Variants in ADGRL3 observed in about 807,000 individuals in gnomAD.
The protein encoded by ADGRL3 is adhesion G protein-coupled receptor L3.
A neutral mutation model predicts 153.5 loss-of-function variants in ADGRL3; 62 were observed. That is an observed-to-expected ratio of 0.40 (90% CI 0.33 to 0.50). The LOEUF (loss-of-function observed/expected upper bound fraction) is 0.50. Ranked by LOEUF, ADGRL3 falls within the 20% of genes least tolerant of loss-of-function variation. ADGRL3 has a pLI of 0.47. For missense variants in ADGRL3, 1,641 were observed against 1,859.4 expected, an observed-to-expected ratio of 0.88 and a Z score of 2.16; for synonymous variants, 710 against 672.5, an observed-to-expected ratio of 1.06 and a Z score of -0.86.
chr4:61,747,533 G>A (rs1011668669), intron 8 of ADGRL3, among the ~76,000 whole-genome samples: 9 of 145,404 alleles, frequency 6.2e-5, no homozygotes, highest in Middle Eastern at 3.5e-3. Flanking sequence ...TTCATCCCTG[G>A]GATGCAAGGC....
At position 61,431,215 on chromosome 4, in the gene ADGRL3, G is replaced by A. The variant is rs575591517; in HGVS notation, c.-174+48026G>A. Among the ~76,000 whole-genome samples, 51 of 152,208 alleles carry A rather than the reference G, an allele frequency of 3.4e-4. No homozygotes were observed. In the East Asian group the frequency reaches 4.4e-3, roughly 13 times the overall value. ...AAACAATCTATCCTTGTGAGGAATC[G>A]GAAATAAATTTCACTGACCACGAAA... On this transcript the variant is annotated intron_variant, in intron 2 of 26. Transcript: ENST00000683033.
chr4:61,987,139 ATTTTATTTT>A (rs1309340783), intron 19 of ADGRL3, among the ~76,000 whole-genome samples: 3 of 69,710 alleles, frequency 4.3e-5, no homozygotes, highest in Non-Finnish European at 7.9e-5. Context: ...ATTTTATTTT[ATTTTATTTT>A]ATTTATTTTA....
intron 21 of ADGRL3, among the ~76,000 whole-genome samples, chr4:62,005,959 TATACACATAC>T (rs1204684877): frequency 1.2e-4 from 13 of 105,860 alleles, no homozygotes; most frequent in African/African-American, 4.5e-4. Flanking sequence ...CATACATATA[TATACACATAC>T]ACACACACAC....
At chr4:61,595,799 G>C (rs1279229776) in intron 5 of ADGRL3, among the ~76,000 whole-genome samples, 1 of 152,126 alleles carries the variant, frequency 6.6e-6, no homozygotes, top group East Asian at 1.9e-4. Flanking sequence ...TTGGCCCTCA[G>C]TGGTGAGGCT....
intron 9 of ADGRL3, among the ~76,000 whole-genome samples, chr4:61,863,241 T>TC (rs1230864496): frequency 2.9e-5 from 4 of 137,626 alleles, no homozygotes; most frequent in African/African-American, 1.1e-4. Flanking sequence ...CTTTTTTTTT[T>TC]TTTTTTTTTT....
chr4:61,536,789 G>C (rs1413799887), intron 4 of ADGRL3, among the ~76,000 whole-genome samples: 1 of 151,950 alleles, frequency 6.6e-6, no homozygotes, highest in East Asian at 1.9e-4. Flanking sequence ...TACACATTAG[G>C]TAGGTCTCTT....
chr4:61,360,394 A>ATGTC (rs1280092278), intron 1 of ADGRL3, among the ~76,000 whole-genome samples: 16 of 152,168 alleles, frequency 1.1e-4, no homozygotes, highest in African/African-American at 3.9e-4. Context: ...AAGTTGAGAA[A>ATGTC]TGTCCATCTT....
At chr4:61,458,364 T>TA (rs556292212) in intron 2 of ADGRL3, among the ~76,000 whole-genome samples, 1 of 151,356 alleles carries the variant, frequency 6.6e-6, no homozygotes, top group Non-Finnish European at 1.5e-5. Context: ...GAGAGATTTA[T>TA]AAAAAACAAT....
chr4:61,612,322 C>T (rs1022048551), intron 5 of ADGRL3, among the ~76,000 whole-genome samples: 8 of 152,140 alleles, frequency 5.3e-5, no homozygotes, highest in Non-Finnish European at 1.0e-4. Flanking sequence ...TCTCTCTTCA[C>T]TTGTGACAGA....
At chr4:61,646,586 T>TTCGGGGG (rs1293391858) in intron 5 of ADGRL3, among the ~76,000 whole-genome samples, 2 of 150,510 alleles carry the variant, frequency 1.3e-5, no homozygotes, top group African/African-American at 5.0e-5. Context: ...AGTTAGGCTG[T>TTCGGGGG]TCGGGGGTCA....
intron 1 of ADGRL3, among the ~76,000 whole-genome samples, chr4:61,316,844 C>A (rs1278872675): frequency 6.6e-6 from 1 of 152,110 alleles, no homozygotes; most frequent in African/African-American, 2.4e-5. Context: ...TGTTAAGTGG[C>A]TGATACATAA....
At chr4:61,553,138 G>C (rs1266417980) in intron 4 of ADGRL3, among the ~76,000 whole-genome samples, 2 of 152,086 alleles carry the variant, frequency 1.3e-5, no homozygotes, top group Non-Finnish European at 2.9e-5. Context: ...TTGCACATTT[G>C]GATATGTTAC....
intron 13 of ADGRL3, among the ~76,000 whole-genome samples, chr4:61,915,058 G>A (rs968196846): frequency 7.9e-5 from 12 of 151,922 alleles, no homozygotes; most frequent in Non-Finnish European, 1.5e-4. Flanking sequence ...GGCTAATAAA[G>A]GCATTTTGTG....
At chr4:61,235,835 G>A (rs1207738465) in intron 1 of ADGRL3, among the ~76,000 whole-genome samples, 1 of 152,004 alleles carries the variant, frequency 6.6e-6, no homozygotes, top group African/African-American at 2.4e-5. Context: ...TGGACTAGTA[G>A]GTGGGACCCC....
intron 6 of ADGRL3, among the ~76,000 whole-genome samples, chr4:61,716,267 A>C (rs1226615868): frequency 1.3e-5 from 2 of 152,110 alleles, no homozygotes; most frequent in Non-Finnish European, 2.9e-5. Flanking sequence ...ATCTTAATAC[A>C]TCCCTCATTG....
At chr4:61,488,698 T>C (rs954221003) in intron 2 of ADGRL3, among the ~76,000 whole-genome samples, 6 of 152,076 alleles carry the variant, frequency 3.9e-5, no homozygotes, top group African/African-American at 1.4e-4. Context: ...TACAGTGATA[T>C]TTCTACAACT....
intron 11 of ADGRL3, among the ~76,000 whole-genome samples, chr4:61,903,466 A>G (rs1190895516): frequency 6.6e-6 from 1 of 152,064 alleles, no homozygotes. Context: ...TCAGGAAATA[A>G]CAAGTGTGCA....
intron 6 of ADGRL3, among the ~76,000 whole-genome samples, chr4:61,725,366 A>T (rs1249093882): frequency 6.6e-6 from 1 of 152,054 alleles, no homozygotes; most frequent in Non-Finnish European, 1.5e-5. Flanking sequence ...TAATCCCAGC[A>T]CTTTGGGAGG....
At position 62,071,800 on chromosome 4, in the gene ADGRL3, G is replaced by A. The variant is rs767295440; in HGVS notation, c.*892G>A. The A allele has an allele frequency of 1.3e-5, 5 of 394,666 alleles. No homozygotes were observed. Among genetic ancestry groups the A allele is most frequent in the African/African-American group, 2.2e-5 (1 of 46,358 alleles). The allele number at this position is 394,666 out of a possible 1,614,324, so 24.4% of individuals were successfully genotyped here. A position where few individuals can be genotyped will look rare whatever the true frequency, so the allele number is the denominator to read the frequency against. ...TTCGCCTGGCAAAAAATAAATAAAT[G>A]GAACTATCACTTTATAAGAATCATT... is the stretch of plus-strand genomic sequence containing the variant. On this transcript the variant is annotated 3_prime_UTR_variant, in exon 27 of 27. Transcript: ENST00000683033.
Sources: allele counts gnomAD v4.1 joint callset (sites outside exome capture counted in the v4.1 genomes callset), GRCh38; gene constraint gnomAD v4.1.1; transcripts MANE v1.5; gene names NCBI Gene and HGNC (gene_info 2026-07-23, HGNC 2026-07-21).